FOCAD: variants seen among roughly 807,000 people sequenced by gnomAD.
FOCAD encodes the protein KIAA1797.
In FOCAD, 198 loss-of-function variants were observed where a neutral mutation model predicts 225.6. That is an observed-to-expected ratio of 0.88 (90% CI 0.78 to 0.99). The LOEUF is 0.99. Ranked by LOEUF, FOCAD falls within the 50% of genes least tolerant of loss-of-function variation. The pLI, the probability that FOCAD is intolerant of heterozygous loss-of-function variation, is 0.00. For synonymous variants in FOCAD, 897 were observed against 755.0 expected (o/e 1.19, Z -3.08); for missense variants, 2,713 against 2,123.6 (o/e 1.28, Z -5.46).
At chr9:20,723,679 A>ATG (rs1175415986) in intron 4 of FOCAD, among the ~76,000 whole-genome samples, 6 of 152,328 alleles carry the variant, frequency 3.9e-5, no homozygotes, top group African/African-American at 1.4e-4. Context: ...ATTTACATGT[A>ATG]TATTTTCCTT....
chr9:20,761,938 A>G (rs1457573181), intron 6 of FOCAD, among the ~76,000 whole-genome samples: 2 of 152,198 alleles, frequency 1.3e-5, no homozygotes, highest in Non-Finnish European at 2.9e-5. Flanking sequence ...GTGATGATTA[A>G]TCATCAGATA....
intron 34 of FOCAD, among the ~76,000 whole-genome samples, chr9:20,952,750 G>C (rs534719417): frequency 2.0e-5 from 3 of 151,838 alleles, no homozygotes; most frequent in Admixed American, 1.3e-4. Flanking sequence ...TTTTTTTCCA[G>C]ACTTTTCTAA....
chr9:20,795,434 C>T (rs1396156333), intron 11 of FOCAD, among the ~76,000 whole-genome samples: 1 of 151,970 alleles, frequency 6.6e-6, no homozygotes, highest in Non-Finnish European at 1.5e-5. Context: ...AAGAGACAGA[C>T]CTGAAATTGA....
At chr9:20,833,713 A>C (rs1418294904) in intron 15 of FOCAD, among the ~76,000 whole-genome samples, 4 of 151,988 alleles carry the variant, frequency 2.6e-5, no homozygotes, top group Non-Finnish European at 5.9e-5. Context: ...CTCTGTAACA[A>C]CTCTCTCTTC....
chr9:20,777,918 G>A (rs1039310520), intron 8 of FOCAD, among the ~76,000 whole-genome samples: 2 of 151,594 alleles, frequency 1.3e-5, no homozygotes, highest in African/African-American at 4.8e-5. Context: ...GTGAAACCCC[G>A]TCTCTACTAA....
chr9:20,949,768 A>C (rs1837520331), intron 33 of FOCAD, 93 bp downstream of exon 33: 1 of 1,107,512 alleles, frequency 9.0e-7, no homozygotes, highest in African/African-American at 1.6e-5. Context: ...TTTACCTGGA[A>C]AATGGGAAAG....
At chr9:20,754,287 A>T (rs1229085701) in intron 5 of FOCAD, among the ~76,000 whole-genome samples, 1 of 152,182 alleles carries the variant, frequency 6.6e-6, no homozygotes, top group Non-Finnish European at 1.5e-5. Flanking sequence ...CTTTAATTAT[A>T]ATTTTTTAAG....
chr9:20,923,545 C>T (rs1422379376), intron 24 of FOCAD, 115 bp from the exon 25 acceptor site: 4 of 670,036 alleles, frequency 6.0e-6, no homozygotes, highest in African/African-American at 1.8e-5. Flanking sequence ...ATTTACAAGA[C>T]TCTGTGAAGG....
chr9:20,972,693 C>G lies in FOCAD; in HGVS notation c.4133-3727C>G, dbSNP rs1839867572. On this transcript the variant is annotated intron_variant, in intron 35 of 43. Coordinates refer to ENST00000338382, the MANE Select transcript of FOCAD (RefSeq NM_001375567.1). The stretch of plus-strand genomic sequence containing the variant: ...GTATCTATTCATTTTGCTTCTGTTT[C>G]TCTTTTTCAACTTCTGTTAATTCTG... 2.6e-5 allele frequency among the ~76,000 whole-genome samples: 4 copies of G among 152,194 alleles called. No individual in the cohort carries two copies. The South Asian group carries it at 8.3e-4, about 32-fold the overall frequency.
At chr9:20,703,086 A>G (rs543135597) in intron 1 of FOCAD, among the ~76,000 whole-genome samples, 4 of 151,900 alleles carry the variant, frequency 2.6e-5, no homozygotes, top group South Asian at 2.1e-4. Context: ...GGAAGCAGAA[A>G]TAAGTAAATG....
intron 14 of FOCAD, 99 bp from the exon 15 acceptor site, chr9:20,822,890 G>A (rs113115667): frequency 3.5e-6 from 4 of 1,156,094 alleles, no homozygotes; most frequent in Non-Finnish European, 4.6e-6. Context: ...TGGCACAAGA[G>A]TATAGAAAAT....
At chr9:20,968,602 C>T (rs1216767241) in intron 35 of FOCAD, among the ~76,000 whole-genome samples, 3 of 151,554 alleles carry the variant, frequency 2.0e-5, no homozygotes, top group Non-Finnish European at 4.4e-5. Flanking sequence ...CCACCATGCC[C>T]AGCTAATTTT....
At chr9:20,979,784 G>A (rs998699912) in intron 37 of FOCAD, among the ~76,000 whole-genome samples, 1 of 152,132 alleles carries the variant, frequency 6.6e-6, no homozygotes, top group African/African-American at 2.4e-5. Flanking sequence ...GCCACTTACT[G>A]AGCCCTTGCT....
At chr9:20,922,580 G>A (rs1216599446) in intron 24 of FOCAD, among the ~76,000 whole-genome samples, 4 of 152,184 alleles carry the variant, frequency 2.6e-5, no homozygotes, top group Non-Finnish European at 5.9e-5. Context: ...TGGGACTTGA[G>A]GTACTAGGCT....
chr9:20,860,290 C>T (rs1195630328), intron 15 of FOCAD, among the ~76,000 whole-genome samples: 2 of 152,072 alleles, frequency 1.3e-5, no homozygotes, highest in Non-Finnish European at 2.9e-5. Flanking sequence ...TGTCACGTTT[C>T]TGTATTAGCC....
intron 4 of FOCAD, among the ~76,000 whole-genome samples, chr9:20,721,286 C>T (rs2131548394): frequency 6.6e-6 from 1 of 152,300 alleles, no homozygotes; most frequent in East Asian, 1.9e-4. Context: ...CCTCCCTCCT[C>T]CTTGGTGAAG....
At chr9:20,677,669 C>G (rs922327930) in intron 2 of FOCAD, among the ~76,000 whole-genome samples, 7 of 149,020 alleles carry the variant, frequency 4.7e-5, no homozygotes, top group African/African-American at 1.6e-4. Flanking sequence ...TAACCTCAAA[C>G]CTGTTAGAAA....
chr9:20,871,716 C>T (rs1190982235), intron 18 of FOCAD, among the ~76,000 whole-genome samples: 3 of 123,768 alleles, frequency 2.4e-5, no homozygotes, highest in South Asian at 2.5e-4. Flanking sequence ...AATGAGAACA[C>T]GTGGACACAG....
intron 1 of FOCAD, among the ~76,000 whole-genome samples, chr9:20,692,482 C>G (rs1346869519): frequency 6.6e-6 from 1 of 152,206 alleles, no homozygotes; most frequent in African/African-American, 2.4e-5. Context: ...TTGTTACCTA[C>G]TCCCAACATT....
Sources: allele counts gnomAD v4.1 joint callset (sites outside exome capture counted in the v4.1 genomes callset), GRCh38; gene constraint gnomAD v4.1.1; transcripts MANE v1.5; gene names NCBI Gene and HGNC (gene_info 2026-07-23, HGNC 2026-07-21).